LRRTM4: variants seen among roughly 807,000 people sequenced by gnomAD.
LRRTM4 encodes leucine-rich repeat transmembrane neuronal protein 4.
LRRTM4 carries 25 observed loss-of-function variants against 47.6 expected under a neutral mutation model. The ratio of observed to expected loss-of-function variants is 0.53; its 90% CI spans 0.38 to 0.73. LRRTM4 has a LOEUF of 0.73. LRRTM4 is among the 30% of genes least tolerant of loss of function. LRRTM4 has a pLI of 0.00. For synonymous variants in LRRTM4, 311 were observed against 269.5 expected, an observed-to-expected ratio of 1.15 and a Z score of -1.51; for missense variants, 638 against 713.4, an observed-to-expected ratio of 0.89 and a Z score of 1.20.
chr2:77,350,964 T>A (rs1671745285), intron 3 of LRRTM4, among the ~76,000 whole-genome samples: 1 of 152,146 alleles, frequency 6.6e-6, no homozygotes, highest in Admixed American at 6.5e-5. Context: ...TTAAGGTTTG[T>A]TACATAGGTA....
At chr2:77,095,846 G>C (rs2103899175) in intron 3 of LRRTM4, among the ~76,000 whole-genome samples, 1 of 152,194 alleles carries the variant, frequency 6.6e-6, no homozygotes, top group East Asian at 1.9e-4. Context: ...TCTGTCATTT[G>C]ACAACATGAA....
intron 3 of LRRTM4, among the ~76,000 whole-genome samples, chr2:77,063,743 T>A (rs1679867736): frequency 2.0e-5 from 3 of 152,188 alleles, no homozygotes; most frequent in South Asian, 2.1e-4. Flanking sequence ...ACATTCAGTT[T>A]CAAACATTAC....
At chr2:76,972,492 A>G (rs1676255584) in intron 3 of LRRTM4, among the ~76,000 whole-genome samples, 1 of 136,774 alleles carries the variant, frequency 7.3e-6, no homozygotes, top group South Asian at 2.2e-4. Flanking sequence ...GTTTCAGCTC[A>G]CTGCAACCTC....
chr2:76,911,575 T>C (rs1464315478), intron 3 of LRRTM4, among the ~76,000 whole-genome samples: 3 of 152,012 alleles, frequency 2.0e-5, no homozygotes, highest in Admixed American at 6.6e-5. Context: ...GAATGGATCA[T>C]TGTGGGACTC....
chr2:77,078,222 T>C (rs1005942841), intron 3 of LRRTM4, among the ~76,000 whole-genome samples: 1 of 152,344 alleles, frequency 6.6e-6, no homozygotes, highest in Non-Finnish European at 1.5e-5. Context: ...ATATCTGCCA[T>C]AAACTAATCT....
chr2:76,915,334 C>G (rs558003552), intron 3 of LRRTM4, among the ~76,000 whole-genome samples: 1 of 152,148 alleles, frequency 6.6e-6, no homozygotes, highest in Non-Finnish European at 1.5e-5. Flanking sequence ...CCAATCACAG[C>G]GATGCATGCC....
chr2:77,419,758 G>A (rs574353783), intron 3 of LRRTM4, among the ~76,000 whole-genome samples: 1 of 152,026 alleles, frequency 6.6e-6, no homozygotes, highest in South Asian at 2.1e-4. Context: ...AACTTGGGTG[G>A]GGTTTCAAAT....
At chr2:77,112,002 A>G (rs543957339) in intron 3 of LRRTM4, among the ~76,000 whole-genome samples, 4 of 152,280 alleles carry the variant, frequency 2.6e-5, no homozygotes, top group African/African-American at 9.6e-5. Context: ...TGCAAGTGCA[A>G]GGAGGGACTA....
intron 3 of LRRTM4, among the ~76,000 whole-genome samples, chr2:77,513,993 A>G (rs1558778076): frequency 6.6e-6 from 1 of 152,112 alleles, no homozygotes; most frequent in Non-Finnish European, 1.5e-5. Context: ...AATTTAATTA[A>G]TTTTGATGGA....
intron 3 of LRRTM4, among the ~76,000 whole-genome samples, chr2:76,896,863 T>C (rs184126835): frequency 7.4e-5 from 11 of 148,704 alleles, no homozygotes; most frequent in Non-Finnish European, 1.0e-4. Context: ...ATCTAAAAGA[T>C]AGAGTTAAAT....
intron 3 of LRRTM4, among the ~76,000 whole-genome samples, chr2:77,295,025 G>T (rs1046168385): frequency 6.6e-6 from 1 of 152,030 alleles, no homozygotes; most frequent in African/African-American, 2.4e-5. Context: ...ATGACTCCAG[G>T]TGAATCAAAA....
intron 3 of LRRTM4, among the ~76,000 whole-genome samples, chr2:77,449,014 A>G (rs143254107): frequency 1.7e-3 from 263 of 152,260 alleles, no homozygotes; most frequent in African/African-American, 6.1e-3. Flanking sequence ...TTTTGTGTCT[A>G]TGTGACATGC....
chr2:77,299,156 T>C (rs898318166), intron 3 of LRRTM4, among the ~76,000 whole-genome samples: 10 of 151,966 alleles, frequency 6.6e-5, no homozygotes, highest in African/African-American at 2.4e-4. Flanking sequence ...TACGACACTC[T>C]ACATGGTCCC....
At chr2:77,521,288 G>C (rs886402553) in intron 2 of LRRTM4, among the ~76,000 whole-genome samples, 5 of 151,854 alleles carry the variant, frequency 3.3e-5, no homozygotes, top group Non-Finnish European at 7.4e-5. Flanking sequence ...CTACATACAC[G>C]CAGCAAAGTG....
At position 76,961,040 on chromosome 2, in the gene LRRTM4, A is replaced by T. The variant is rs114598360; in HGVS notation, c.1552-212124T>A. 6.6e-3 allele frequency among the ~76,000 whole-genome samples: 995 copies of T among 151,566 alleles called. 13 individuals are homozygous for T. Among genetic ancestry groups the T allele is most frequent in the African/African-American group, 0.023 (944 of 41,478 alleles). Reference sequence around the variant, plus strand: ...TAGAGAATGTAAAGTTTTATTTTTAATTTTTCTATCAGCACTTATAATGTA... The same window carrying T: ...TAGAGAATGTAAAGTTTTATTTTTATTTTTTCTATCAGCACTTATAATGTA... On this transcript the variant is annotated intron_variant, in intron 3 of 3. Coordinates refer to ENST00000409884, the MANE Select transcript of LRRTM4 (RefSeq NM_001134745.3).
At chr2:76,891,109 G>A (rs1478965514) in intron 3 of LRRTM4, among the ~76,000 whole-genome samples, 4 of 151,936 alleles carry the variant, frequency 2.6e-5, no homozygotes, top group Non-Finnish European at 5.9e-5. Flanking sequence ...GAGGAGAAAA[G>A]AAGAAAACTG....
In LRRTM4 at chr2:77,060,950, T is replaced by C. The variant is rs189057771; in HGVS notation, c.1552-312034A>G. On this transcript the variant is annotated intron_variant, in intron 3 of 3. Transcript: ENST00000409884. ...TTTATTTTCCAATTTAAGTACAGAA[T>C]AAAAACAATAGCAAATTATAAAGTT... 8.4e-3 allele frequency among the ~76,000 whole-genome samples: 1,286 copies of C among 152,254 alleles called. 13 individuals are homozygous for C. Among genetic ancestry groups the C allele is most frequent in the Non-Finnish European group, 0.014 (949 of 67,996 alleles).
intron 3 of LRRTM4, among the ~76,000 whole-genome samples, chr2:77,309,523 A>T (rs920289435): frequency 6.6e-6 from 1 of 152,130 alleles, no homozygotes; most frequent in Non-Finnish European, 1.5e-5. Context: ...GCTCACCAAG[A>T]CCCTTTGGCT....
intron 3 of LRRTM4, among the ~76,000 whole-genome samples, chr2:77,257,539 ATATCTT>A: frequency 6.6e-6 from 1 of 152,250 alleles, no homozygotes; most frequent in South Asian, 2.1e-4. Context: ...ATGAAATAAA[ATATCTT>A]TATAAATGGA....
Sources: gnomAD v4.1 joint callset for allele counts (sites outside exome capture counted in the v4.1 genomes callset) on GRCh38, gnomAD v4.1.1 for gene constraint, MANE v1.5 for transcripts, NCBI Gene and HGNC (gene_info 2026-07-23, HGNC 2026-07-21) for gene names.